The following CCDC150 variants were observed in gnomAD, a reference collection of about 807,000 sequenced individuals.
The protein encoded by CCDC150 is coiled-coil domain containing 150.
Under a neutral mutation model 156.5 loss-of-function variants are expected in CCDC150, and 151 were observed. The observed-to-expected ratio is 0.97, with a 90% CI of 0.85 to 1.10. The LOEUF is 1.10. Ranked by LOEUF, CCDC150 falls within the 50% of genes least tolerant of loss-of-function variation. CCDC150 has a pLI of 0.00. For synonymous variants in CCDC150, 452 were observed against 429.4 expected (o/e 1.05, Z -0.65); for missense variants, 1,312 against 1,268.1 (o/e 1.03, Z -0.53).
intron 5 of CCDC150, among the ~76,000 whole-genome samples, chr2:196,662,277 A>G (rs1474738323): frequency 6.6e-6 from 1 of 152,194 alleles, no homozygotes; most frequent in African/African-American, 2.4e-5. Flanking sequence ...AATAGATTTG[A>G]CCACATAAGA....
intron 2 of CCDC150, among the ~76,000 whole-genome samples, chr2:196,650,242 AGAT>A (rs2125574337): frequency 6.6e-6 from 1 of 152,334 alleles, no homozygotes; most frequent in African/African-American, 2.4e-5. Context: ...ACATCTATTG[AGAT>A]GATTATATAA....
intron 10 of CCDC150, 40 bp from the exon 11 acceptor site, chr2:196,676,101 CTT>C (rs747122570): frequency 8.1e-6 from 13 of 1,607,176 alleles, no homozygotes; most frequent in South Asian, 7.8e-5. Context: ...TATCAAAAGA[CTT>C]TGTGGAGCTT....
Position 196,731,064 on chromosome 2 carries a change from G to T in CCDC150, c.3069+119G>T. The T allele has an allele frequency of 9.1e-6, 6 of 656,388 alleles. No individual in the cohort carries two copies. In the South Asian group the frequency reaches 1.2e-4, roughly 13 times the overall value. 40.7% of individuals were successfully genotyped at this position (656,388 alleles called of 1,614,324 possible). A position where few individuals can be genotyped will look rare whatever the true frequency, so the allele number is the denominator to read the frequency against. ...TAGTTGTCAGGAATGCAACAGGGAAGAACGAGTAACTTCCTAAGTGTAGTC... is the reference window on the plus strand; with the variant it reads ...TAGTTGTCAGGAATGCAACAGGGAATAACGAGTAACTTCCTAAGTGTAGTC... On this transcript the variant is annotated intron_variant, in intron 26 of 27. Coordinates refer to ENST00000389175, the MANE Select transcript of CCDC150 (RefSeq NM_001080539.2).
chr2:196,716,661 A>G (rs142454671), intron 17 of CCDC150, among the ~76,000 whole-genome samples: 2 of 152,272 alleles, frequency 1.3e-5, no homozygotes, highest in African/African-American at 4.8e-5. Flanking sequence ...ACTTTTGGAG[A>G]TGATGGAAAT....
At position 196,657,081 on chromosome 2, in the gene CCDC150, C is replaced by T. The variant is rs1476886293; in HGVS notation, c.521C>T (p.Ala174Val). Reference protein sequence around the residue: ...LRAVKEEEDKAQDEVQRLTAT... With the variant: ...LRAVKEEEDKVQDEVQRLTAT... ...GCTGTAAAAGAGGAAGAAGACAAGG[C>T]ACAAGATGAGGTGCAAAGGTTGACT... The change falls in exon 4 of 28, where the codon GCA becomes GTA. Residue 174 changes from alanine (A) to valine (V), a missense_variant. Physicochemically the swap from Ala to Val is moderately conservative, Grantham distance 64. Coordinates refer to ENST00000389175, the MANE Select transcript of CCDC150 (RefSeq NM_001080539.2). 1.2e-6 allele frequency: 2 copies of T among 1,613,790 alleles called. No homozygotes were observed. Among genetic ancestry groups the T allele is most frequent in the Non-Finnish European group, 1.7e-6 (2 of 1,179,758 alleles).
intron 8 of CCDC150, among the ~76,000 whole-genome samples, chr2:196,671,980 T>C (rs1575801379): frequency 1.3e-5 from 2 of 152,200 alleles, no homozygotes; most frequent in South Asian, 4.1e-4. Flanking sequence ...CACCAAACTG[T>C]CTTCCAAAGT....
intron 24 of CCDC150, 26 bp from the exon 25 acceptor site, chr2:196,729,931 A>G: frequency 6.2e-7 from 1 of 1,609,210 alleles, no homozygotes; most frequent in South Asian, 1.1e-5. Context: ...TGTTCACCAA[A>G]TGTCTCTGTC....
At chr2:196,699,727 C>T (rs1466415110) in intron 14 of CCDC150, among the ~76,000 whole-genome samples, 1 of 152,124 alleles carries the variant, frequency 6.6e-6, no homozygotes, top group Non-Finnish European at 1.5e-5. Flanking sequence ...GCTATGTTGA[C>T]CAGACTGGTC....
At chr2:196,704,492 G>A (rs910589509) in intron 15 of CCDC150, among the ~76,000 whole-genome samples, 1 of 152,060 alleles carries the variant, frequency 6.6e-6, no homozygotes, top group African/African-American at 2.4e-5. Context: ...CATATCCTAA[G>A]TTTTACTAGA....
At chr2:196,724,828 G>T (rs556220256) in intron 21 of CCDC150, among the ~76,000 whole-genome samples, 1 of 152,146 alleles carries the variant, frequency 6.6e-6, no homozygotes, top group East Asian at 1.9e-4. Flanking sequence ...TCAGATTGAG[G>T]TGTGGGCATG....
At chr2:196,694,863 A>C (rs1695719427) in intron 13 of CCDC150, among the ~76,000 whole-genome samples, 183 bp from the exon 14 acceptor site, 1 of 152,238 alleles carries the variant, frequency 6.6e-6, no homozygotes. Flanking sequence ...CTACGTCTCA[A>C]AAAAGTAAAA....
In CCDC150 at chr2:196,669,737, A is replaced by G. The variant is rs369445030; in HGVS notation, c.893-96A>G. On this transcript the variant is annotated intron_variant, in intron 7 of 27. Coordinates refer to ENST00000389175, the MANE Select transcript of CCDC150 (RefSeq NM_001080539.2). Reference sequence around the variant, plus strand: ...AAATAGTTGGGTTCTCCTTATCTCTACAAAAAATAGACATAAAATATTTAA... The same window carrying G: ...AAATAGTTGGGTTCTCCTTATCTCTGCAAAAAATAGACATAAAATATTTAA... The G allele has an allele frequency of 2.1e-4, 181 of 855,982 alleles. 3 individuals are homozygous for G. In the South Asian group the frequency reaches 2.7e-3, roughly 13 times the overall value. The allele number at this position is 855,982 out of a possible 1,614,324, so 53.0% of individuals were successfully genotyped here.
rs998179033 is a variant in CCDC150 at position 196,680,893 on chromosome 2, C to T, written c.1509+3532C>T. ...ATCCTTACTAACACTTGTTATTGTTCACATTTTTAAAATACCCATCCTAGT... is the reference window on the plus strand; with the variant it reads ...ATCCTTACTAACACTTGTTATTGTTTACATTTTTAAAATACCCATCCTAGT... On this transcript the variant is annotated intron_variant, in intron 13 of 27. Transcript: ENST00000389175. Among the ~76,000 whole-genome samples, 7 of 152,122 alleles carry T rather than the reference C, an allele frequency of 4.6e-5. No individual in the cohort carries two copies. The South Asian group carries it at 6.2e-4, about 14-fold the overall frequency.
At chr2:196,677,082 G>T in intron 12 of CCDC150, 1 of 693,522 alleles carries the variant, frequency 1.4e-6, no homozygotes, top group South Asian at 1.5e-5. Context: ...AACCAGCAGA[G>T]TCTGACATGC....
At chr2:196,649,190 A>G (rs1385170976) in intron 2 of CCDC150, among the ~76,000 whole-genome samples, 1 of 152,198 alleles carries the variant, frequency 6.6e-6, no homozygotes, top group Non-Finnish European at 1.5e-5. Context: ...GGATTTTAAT[A>G]GGGATTGCCC....
intron 2 of CCDC150, among the ~76,000 whole-genome samples, chr2:196,649,933 T>C (rs1264733213): frequency 6.6e-6 from 1 of 152,232 alleles, no homozygotes; most frequent in Non-Finnish European, 1.5e-5. Context: ...ATTTTGTATG[T>C]CTTCAACAAA....
chr2:196,667,006 TGA>T (rs1289997458), intron 7 of CCDC150, 158 bp downstream of exon 7: 6 of 705,378 alleles, frequency 8.5e-6, no homozygotes, highest in Non-Finnish European at 1.5e-5. Context: ...CCTGCAGTAC[TGA>T]GATACAGAAG....
intron 13 of CCDC150, among the ~76,000 whole-genome samples, chr2:196,686,978 A>G (rs1359815149): frequency 6.6e-6 from 1 of 152,162 alleles, no homozygotes; most frequent in Non-Finnish European, 1.5e-5. Flanking sequence ...CATGGTGTAT[A>G]TGTACCACAT....
intron 8 of CCDC150, 131 bp from the exon 9 acceptor site, chr2:196,672,214 C>A: frequency 2.3e-6 from 1 of 430,822 alleles, no homozygotes; most frequent in Non-Finnish European, 4.2e-6. Flanking sequence ...CTTTATAAGA[C>A]ATTTATAAAG....
Sources: allele counts gnomAD v4.1 joint callset (sites outside exome capture counted in the v4.1 genomes callset), GRCh38; gene constraint gnomAD v4.1.1; transcripts MANE v1.5; gene names NCBI Gene and HGNC (gene_info 2026-07-23, HGNC 2026-07-21).